STXBP5L: variants seen among roughly 807,000 people sequenced by gnomAD.
STXBP5L encodes syntaxin binding protein 5L, also known as syntaxin-binding protein 5-like.
A neutral mutation model predicts 144.5 loss-of-function variants in STXBP5L; 65 were observed. That is an observed-to-expected ratio of 0.45 (90% confidence interval 0.37 to 0.55). STXBP5L has a LOEUF of 0.55. STXBP5L is among the 20% of genes least tolerant of loss of function. STXBP5L has a pLI of 0.00. For synonymous variants in STXBP5L, 505 were observed against 469.6 expected (o/e 1.08, Z -0.97); for missense variants, 1,298 against 1,405.5 (o/e 0.92, Z 1.22).
At chr3:121,336,665 T>C (rs2044518017) in intron 20 of STXBP5L, among the ~76,000 whole-genome samples, 1 of 151,968 alleles carries the variant, frequency 6.6e-6, no homozygotes, top group African/African-American at 2.4e-5. Context: ...GGTGGGAGTG[T>C]AAATTAAACT....
At chr3:120,925,155 A>C (rs1250342054) in intron 2 of STXBP5L, 1 of 152,318 alleles carries the variant, frequency 6.6e-6, no homozygotes. Flanking sequence ...CAAGGAATGC[A>C]CACCGTTGCC....
At chr3:121,270,766 T>TAAAAAA (rs2050712919) in intron 18 of STXBP5L, among the ~76,000 whole-genome samples, 1 of 152,160 alleles carries the variant, frequency 6.6e-6, no homozygotes, top group Admixed American at 6.5e-5. Flanking sequence ...CATTTATTTT[T>TAAAAAA]TAACCTTCAT....
At chr3:120,996,830 G>T (rs1015937030) in intron 3 of STXBP5L, among the ~76,000 whole-genome samples, 6 of 152,034 alleles carry the variant, frequency 3.9e-5, no homozygotes, top group Non-Finnish European at 7.4e-5. Flanking sequence ...AGGTTCAGGG[G>T]GGTACATGTT....
At chr3:121,313,401 C>A (rs1320975081) in intron 19 of STXBP5L, among the ~76,000 whole-genome samples, 1 of 127,286 alleles carries the variant, frequency 7.9e-6, no homozygotes, top group African/African-American at 3.1e-5. Flanking sequence ...GCTGACCCCC[C>A]ACCTCCCTCC....
intron 3 of STXBP5L, among the ~76,000 whole-genome samples, chr3:121,016,684 C>T (rs998312924): frequency 6.6e-6 from 1 of 152,088 alleles, no homozygotes; most frequent in East Asian, 1.9e-4. Context: ...GTGAGCAAAA[C>T]AGAAGAACTA....
chr3:121,296,302 C>T (rs1037415930), intron 19 of STXBP5L, among the ~76,000 whole-genome samples: 1 of 152,118 alleles, frequency 6.6e-6, no homozygotes, highest in African/African-American at 2.4e-5. Context: ...TAGTAGAATA[C>T]CTACTAATGT....
chr3:120,970,062 A>T (rs1940062166), intron 3 of STXBP5L, among the ~76,000 whole-genome samples: 1 of 152,080 alleles, frequency 6.6e-6, no homozygotes, highest in African/African-American at 2.4e-5. Flanking sequence ...ATTATAAGAA[A>T]ACCAAACCCT....
intron 6 of STXBP5L, among the ~76,000 whole-genome samples, chr3:121,121,240 T>C (rs1019690814): frequency 1.2e-4 from 18 of 151,396 alleles, no homozygotes; most frequent in African/African-American, 4.1e-4. Flanking sequence ...AAAGGAAATC[T>C]TAAATCAGGT....
chr3:121,395,426 G>C (rs550749885), intron 22 of STXBP5L, among the ~76,000 whole-genome samples: 4 of 152,300 alleles, frequency 2.6e-5, no homozygotes, highest in African/African-American at 7.2e-5. Context: ...TAGTCTTACA[G>C]ATGAGTATGA....
chr3:121,187,999 A>AGT (rs1189518717), intron 9 of STXBP5L, among the ~76,000 whole-genome samples: 10 of 152,292 alleles, frequency 6.6e-5, no homozygotes, highest in African/African-American at 2.4e-4. Context: ...TCTTAAATAT[A>AGT]TATGCACCGA....
intron 3 of STXBP5L, among the ~76,000 whole-genome samples, chr3:120,990,948 A>G (rs1212230508): frequency 1.3e-5 from 2 of 152,264 alleles, no homozygotes; most frequent in Non-Finnish European, 2.9e-5. Flanking sequence ...AAACACCAAA[A>G]GCAATGGCAA....
At chr3:120,980,313 G>C (rs1431921154) in intron 3 of STXBP5L, among the ~76,000 whole-genome samples, 4 of 152,202 alleles carry the variant, frequency 2.6e-5, no homozygotes, top group African/African-American at 9.6e-5. Context: ...TGCTGTCAGT[G>C]GGGTGTTGAA....
intron 3 of STXBP5L, among the ~76,000 whole-genome samples, chr3:121,028,779 C>T (rs540776018): frequency 6.6e-6 from 1 of 152,114 alleles, no homozygotes; most frequent in African/African-American, 2.4e-5. Context: ...ACTTTGCTTC[C>T]TTCACTGAGC....
intron 3 of STXBP5L, among the ~76,000 whole-genome samples, chr3:121,003,552 T>A (rs1012162375): frequency 1.3e-5 from 2 of 152,194 alleles, no homozygotes; most frequent in Admixed American, 1.3e-4. Flanking sequence ...AGCTCTTTAG[T>A]TTAATTAGAT....
chr3:121,357,478 C>T (rs1295910640), intron 20 of STXBP5L: 3 of 152,498 alleles, frequency 2.0e-5, no homozygotes, highest in Non-Finnish European at 2.9e-5. Context: ...GAAAACCCAA[C>T]CAGTATGCCA....
intron 20 of STXBP5L, among the ~76,000 whole-genome samples, chr3:121,319,867 A>T (rs1362025694): frequency 6.6e-6 from 1 of 152,196 alleles, no homozygotes; most frequent in Admixed American, 6.5e-5. Context: ...CTGTAATCCC[A>T]GCACTTTGGG....
chr3:121,162,605 A>G (rs192090136), intron 9 of STXBP5L, among the ~76,000 whole-genome samples: 2,934 of 152,330 alleles, frequency 0.019, 89 homozygotes, highest in African/African-American at 0.066. Context: ...CTGCAAAGCA[A>G]AAGAAACTGC....
intron 20 of STXBP5L, among the ~76,000 whole-genome samples, chr3:121,343,021 T>C (rs992130506): frequency 6.6e-6 from 1 of 151,838 alleles, no homozygotes; most frequent in Non-Finnish European, 1.5e-5. Flanking sequence ...GTTTCCTGAC[T>C]TTTTAATGAT....
chr3:120,919,605 C>T (rs2107579082), intron 2 of STXBP5L, among the ~76,000 whole-genome samples: 1 of 152,056 alleles, frequency 6.6e-6, no homozygotes, highest in Middle Eastern at 3.4e-3. Flanking sequence ...AACTCCTTTG[C>T]TGTTTGAGGT....
Sources: gnomAD v4.1 joint callset for allele counts (sites outside exome capture counted in the v4.1 genomes callset) on GRCh38, gnomAD v4.1.1 for gene constraint, MANE v1.5 for transcripts, NCBI Gene and HGNC (gene_info 2026-07-23, HGNC 2026-07-21) for gene names.